RAP1GAP: variants seen among roughly 807,000 people sequenced by gnomAD.
RAP1GAP encodes rap1 GTPase-activating protein 1.
A neutral mutation model predicts 87.2 loss-of-function variants in RAP1GAP; 35 were observed. That is an observed-to-expected ratio of 0.40 (90% CI 0.31 to 0.53). The LOEUF (loss-of-function observed/expected upper bound fraction) is 0.53. RAP1GAP is among the 20% of genes least tolerant of loss of function. The pLI is 0.48. For missense variants in RAP1GAP, 734 were observed against 898.9 expected, an observed-to-expected ratio of 0.82 and a Z score of 2.35; for synonymous variants, 375 against 363.9, an observed-to-expected ratio of 1.03 and a Z score of -0.35.
chr1:21,608,099 C>T, intron 17 of RAP1GAP, 114 bp downstream of exon 17: 1 of 1,470,194 alleles, frequency 6.8e-7, no homozygotes, highest in Non-Finnish European at 9.2e-7. Context: ...TCAGCCACGC[C>T]CCTTCTGCCA....
intron 2 of RAP1GAP, among the ~76,000 whole-genome samples, chr1:21,638,718 T>G (rs76273240): frequency 0.011 from 1,706 of 152,340 alleles, 31 homozygotes; most frequent in African/African-American, 0.039. Flanking sequence ...CACTTAGTAT[T>G]TGTGTAATCA....
intron 2 of RAP1GAP, among the ~76,000 whole-genome samples, chr1:21,641,285 C>T (rs1345731788): frequency 6.6e-6 from 1 of 152,102 alleles, no homozygotes; most frequent in East Asian, 1.9e-4. Flanking sequence ...GCCACCTCCA[C>T]CTGTTGCCAG....
At chr1:21,646,558 A>G (rs1426598538) in intron 2 of RAP1GAP, among the ~76,000 whole-genome samples, 1 of 152,244 alleles carries the variant, frequency 6.6e-6, no homozygotes, top group Non-Finnish European at 1.5e-5. Flanking sequence ...GCATGCTGTC[A>G]GCTCTTAATC....
At chr1:21,642,074 G>A (rs1386077160) in intron 2 of RAP1GAP, among the ~76,000 whole-genome samples, 1 of 152,214 alleles carries the variant, frequency 6.6e-6, no homozygotes, top group Non-Finnish European at 1.5e-5. Context: ...GCAAGGTGAC[G>A]GACTCCTCAA....
At chr1:21,625,871 G>A (rs1026674648) in intron 3 of RAP1GAP, among the ~76,000 whole-genome samples, 15 of 152,116 alleles carry the variant, frequency 9.9e-5, no homozygotes, top group Non-Finnish European at 1.9e-4. Context: ...ATAGAGGCTC[G>A]TTGACAGGGC....
intron 1 of RAP1GAP, among the ~76,000 whole-genome samples, chr1:21,658,843 C>T (rs2096972476): frequency 6.7e-6 from 1 of 149,916 alleles, no homozygotes; most frequent in South Asian, 2.1e-4. Flanking sequence ...GGTGGAGGGC[C>T]TTTTTCATCT....
rs2076963952 is a variant in RAP1GAP, at chr1:21,609,587, A to C, written c.1059T>G (p.Ala353=). The C allele has an allele frequency of 6.4e-7, 1 of 1,569,468 alleles. No individual in the cohort carries two copies. The highest frequency in any genetic ancestry group is 1.2e-5 in the South Asian group (1 of 81,932). Residue 353 remains alanine, a synonymous_variant, in exon 15 of 25, where the codon GCT becomes GCG. Transcript: ENST00000374765. This position sits in a 1 kb window ranked among gnomAD's most constrained non-coding sequence, Gnocchi z 4.4. ...GGGTGCCCCTCACCTTCCTGAACAC[A>C]GCGGGGTCCGGGAGGGGGGGTCCAA... ...PFFGPPLPDP[A]VFRKGPEFQE... is the part of the protein sequence containing the mutation.
chr1:21,627,565 G>A (rs983785767), intron 2 of RAP1GAP, among the ~76,000 whole-genome samples: 5 of 151,942 alleles, frequency 3.3e-5, no homozygotes, highest in Non-Finnish European at 4.4e-5. Context: ...GCAGGCATGC[G>A]CCACCATGCC....
chr1:21,603,248 C>G lies in RAP1GAP; in HGVS notation c.1429-335G>C. 1 of 392,332 alleles carries G rather than the reference C, an allele frequency of 2.5e-6. No individual in the cohort carries two copies. The highest frequency in any genetic ancestry group is 4.6e-6 in the Non-Finnish European group (1 of 216,162). 24.3% of individuals were successfully genotyped at this position (392,332 alleles called of 1,614,324 possible). On this transcript the variant is annotated intron_variant, in intron 18 of 24. Coordinates refer to ENST00000374765, the MANE Select transcript of RAP1GAP (RefSeq NM_002885.4). This position sits in a 1 kb window ranked among gnomAD's most constrained non-coding sequence, Gnocchi z 6.0. ...GCCCCCCAGGGCTCTGTGGGATCTG[C>G]AGCCTAAGGGCAGTGGTCAGAGGGC...
Position 21,598,457 on chromosome 1 carries a change from T to C in RAP1GAP, c.1822A>G (p.Ile608Val), listed in dbSNP as rs141224589. Residue 608 changes from isoleucine to valine, a missense_variant, in exon 22 of 25, where the codon ATC becomes GTC. Ile to Val is a conservative substitution (Grantham distance 29). Around this residue, in one of 2 missense-constraint regions of RAP1GAP, gnomAD observed 249 missense variants for 252.7 expected, o/e 0.99. Coordinates refer to ENST00000374765, the MANE Select transcript of RAP1GAP (RefSeq NM_002885.4). ...CTGTCCTCCAGCCACGTGCTATAGATGAAGGAGTCCCGCTTGTGGGGTGTT... is the reference window on the plus strand; with the variant it reads ...CTGTCCTCCAGCCACGTGCTATAGACGAAGGAGTCCCGCTTGTGGGGTGTT... ...SGTPHKRDSFIYSTWLEDSVS... is the reference protein window; with the variant it reads ...SGTPHKRDSFVYSTWLEDSVS... 1.4e-5 allele frequency: 23 copies of C among 1,613,680 alleles called. No homozygotes were observed. The African/African-American group carries it at 2.7e-4, about 19-fold the overall frequency.
At chr1:21,645,584 T>C (rs987281795) in intron 2 of RAP1GAP, among the ~76,000 whole-genome samples, 2 of 152,100 alleles carry the variant, frequency 1.3e-5, no homozygotes, top group African/African-American at 4.8e-5. Context: ...CTGTCCCCAG[T>C]AGAACCCCCT....
At chr1:21,598,144 G>T in intron 22 of RAP1GAP, 80 bp from the exon 23 acceptor site, 1 of 920,188 alleles carries the variant, frequency 1.1e-6, no homozygotes, top group Non-Finnish European at 1.6e-6. Flanking sequence ...TGGGCGGTCG[G>T]CACCAGTGCG....
At chr1:21,621,946 T>C (rs2088054126) in intron 3 of RAP1GAP, among the ~76,000 whole-genome samples, 1 of 152,214 alleles carries the variant, frequency 6.6e-6, no homozygotes, top group African/African-American at 2.4e-5. Context: ...GCAGACGCCC[T>C]GACACACGCG....
At position 21,599,501 on chromosome 1, in the gene RAP1GAP, G is replaced by A. The variant is rs762975523; in HGVS notation, c.1769C>T (p.Thr590Ile). 3.7e-6 allele frequency: 6 copies of A among 1,608,950 alleles called. No individual in the cohort carries two copies. Among genetic ancestry groups the A allele is most frequent in the South Asian group, 3.3e-5 (3 of 91,068 alleles). The change falls in exon 21 of 25, where the codon ACA becomes ATA. Residue 590 changes from threonine to isoleucine, a missense_variant. Thr to Ile is a moderately conservative substitution (Grantham distance 89, BLOSUM62 -1). This residue lies in a region of RAP1GAP where 249 missense variants were observed against 252.7 expected (regional missense o/e 0.99). Coordinates refer to ENST00000374765, the MANE Select transcript of RAP1GAP (RefSeq NM_002885.4). ...CCCCCCTGAGCCTCTCACCAGGCCT[G>A]TGTCCTCTCCGTCCACACCCTCCGT... ...EETEGVDGEDTGLESVSSSGT... is the reference protein window; with the variant it reads ...EETEGVDGEDIGLESVSSSGT...
chr1:21,602,670 A>T (rs1366010175), intron 19 of RAP1GAP, 134 bp downstream of exon 19: 2 of 736,546 alleles, frequency 2.7e-6, no homozygotes, highest in Admixed American at 3.0e-5. Context: ...CAGGGACTTG[A>T]CCACACAGCT....
chr1:21,639,917 GCGCTTGTGT>G (rs2095348365), intron 2 of RAP1GAP, among the ~76,000 whole-genome samples: 1 of 152,184 alleles, frequency 6.6e-6, no homozygotes, highest in Admixed American at 6.5e-5. Flanking sequence ...GGGAGGGAAA[GCGCTTGTGT>G]CGCATGTTTG....
In RAP1GAP at chr1:21,611,642, C is replaced by T. The variant is rs1416848886; in HGVS notation, c.714-61G>A. On this transcript the variant is annotated intron_variant, in intron 12 of 24. Coordinates refer to ENST00000374765, the MANE Select transcript of RAP1GAP (RefSeq NM_002885.4). Reference sequence around the variant, plus strand: ...CAGCCCTGGCCAGGCCTCCATGGGGCCAGGACAGGGGCTCCCTCCCTGCCC... The same window carrying T: ...CAGCCCTGGCCAGGCCTCCATGGGGTCAGGACAGGGGCTCCCTCCCTGCCC... 1.9e-6 allele frequency: 3 copies of T among 1,613,618 alleles called. No homozygotes were observed. The East Asian group carries it at 6.7e-5, about 36-fold the overall frequency.
chr1:21,597,846 G>A, intron 23 of RAP1GAP, 115 bp downstream of exon 23: 1 of 1,503,438 alleles, frequency 6.7e-7, no homozygotes, highest in Non-Finnish European at 9.1e-7. Flanking sequence ...ACCCCTCCTG[G>A]CCTAGCGGGG....
Position 21,640,914 on chromosome 1 carries a change from T to G in RAP1GAP, c.-113+8847A>C, listed in dbSNP as rs1033563188. On this transcript the variant is annotated intron_variant, in intron 2 of 24. Transcript: ENST00000374765. Reference sequence around the variant, plus strand: ...CTGTCTTGTGGGCAGCAGTTATTTTTTGTGTGTGTGTGGGATGGAGCCTTG... The same window carrying G: ...CTGTCTTGTGGGCAGCAGTTATTTTGTGTGTGTGTGTGGGATGGAGCCTTG... 3.9e-5 allele frequency among the ~76,000 whole-genome samples: 6 copies of G among 151,922 alleles called. No individual in the cohort carries two copies. In the South Asian group the frequency reaches 6.3e-4, roughly 16 times the overall value.
Sources: gnomAD v4.1 joint callset for allele counts (sites outside exome capture counted in the v4.1 genomes callset) on GRCh38, gnomAD v4.1.1 for gene constraint, gnomAD v4.1.1 regional missense constraint, Gnocchi (gnomAD v3.1) non-coding constraint, MANE v1.5 for transcripts, NCBI Gene and HGNC (gene_info 2026-07-23, HGNC 2026-07-21) for gene names.